Variants in ZDHHC5 observed in about 807,000 individuals in gnomAD.
ZDHHC5 encodes the protein zDHHC palmitoyltransferase 5.
A neutral mutation model predicts 70.0 loss-of-function variants in ZDHHC5; 22 were observed. The observed-to-expected ratio is 0.31, with a 90% CI of 0.22 to 0.45. The LOEUF (loss-of-function observed/expected upper bound fraction) is 0.45, where lower values mean the gene tolerates loss of function less well. Ranked by LOEUF, ZDHHC5 falls within the 20% of genes least tolerant of loss-of-function variation. ZDHHC5 has a pLI of 1.00. For missense variants in ZDHHC5, 746 were observed against 926.9 expected, an observed-to-expected ratio of 0.80 and a Z score of 2.53; for synonymous variants, 313 against 347.8, an observed-to-expected ratio of 0.90 and a Z score of 1.11.
In ZDHHC5 at chr11:57,698,695, C is replaced by G. The variant is rs747893595; in HGVS notation, c.1259C>G (p.Pro420Arg). Residue 420 changes from proline to arginine, a missense_variant, in exon 11 of 12, where the codon CCA (proline) becomes CGA (arginine). Pro to Arg is a moderately radical substitution (Grantham distance 103, BLOSUM62 -2). This residue lies in a region of ZDHHC5 where 179 missense variants were observed against 178.4 expected (regional missense o/e 1.00). Transcript: ENST00000287169. ...PTFGKSFHFD[P>R]LSSGSRSSSL... ...TTTGGCAAAAGTTTTCACTTCGATC[C>G]ACTATCCAGTGGCTCACGCTCCTCC... The G allele has an allele frequency of 1.9e-6, 3 of 1,614,206 alleles. No individual in the cohort carries two copies. Among genetic ancestry groups the G allele is most frequent in the Non-Finnish European group, 2.5e-6 (3 of 1,180,052 alleles).
chr11:57,688,666 G>A lies in ZDHHC5; in HGVS notation c.384+1G>A. On this transcript the variant is annotated splice_donor_variant, in intron 4 of 11. Transcript: ENST00000287169. LOFTEE classifies it high-confidence loss of function. ...CAGTGTCTGTGACAACTGTGTGGAG[G>A]TAAGCACCCTGGGTGGGGTAAGACT... The A allele has an allele frequency of 6.3e-7, 1 of 1,593,862 alleles. No homozygotes were observed. The highest frequency in any genetic ancestry group is 8.6e-7 in the Non-Finnish European group (1 of 1,169,396).
chr11:57,672,540 C>T lies in ZDHHC5; in HGVS notation c.-551C>T, dbSNP rs888208673. The T allele has an allele frequency of 6.6e-6, 2 of 304,210 alleles. No homozygotes were observed. The highest frequency in any genetic ancestry group is 1.6e-4 in the South Asian group (1 of 6,214). The allele number at this position is 304,210 out of a possible 1,614,324, so 18.8% of individuals were successfully genotyped here. On this transcript the variant is annotated 5_prime_UTR_variant, in exon 2 of 12. Transcript: ENST00000287169. Reference sequence around the variant, plus strand: ...TTAAAGTTGGAAGGGGCCTCAGGTTCCTTCTTGGATTGAAATAGAAATAGA... The same window carrying T: ...TTAAAGTTGGAAGGGGCCTCAGGTTTCTTCTTGGATTGAAATAGAAATAGA...
At chr11:57,679,524 C>T (rs1325648324) in intron 2 of ZDHHC5, among the ~76,000 whole-genome samples, 1 of 152,124 alleles carries the variant, frequency 6.6e-6, no homozygotes, top group African/African-American at 2.4e-5. Flanking sequence ...CAGAAGAACC[C>T]GTTCTACCTG....
At chr11:57,683,973 T>C (rs536070709) in intron 3 of ZDHHC5, among the ~76,000 whole-genome samples, 1 of 19,072 alleles carries the variant, frequency 5.2e-5, no homozygotes, top group Non-Finnish European at 7.9e-5. Context: ...TAATAATTAA[T>C]TTTTTTTTTT....
chr11:57,682,082 T>C (rs1028460584), intron 2 of ZDHHC5, among the ~76,000 whole-genome samples: 2 of 152,172 alleles, frequency 1.3e-5, no homozygotes, highest in Admixed American at 1.3e-4. Flanking sequence ...TCATAGTCAG[T>C]ACCTGGTTCT....
At chr11:57,676,590 G>A (rs1241036299) in intron 2 of ZDHHC5, among the ~76,000 whole-genome samples, 5 of 151,838 alleles carry the variant, frequency 3.3e-5, no homozygotes, top group East Asian at 3.9e-4. Context: ...CAGTGAGAAC[G>A]TTGACCTACA....
At chr11:57,696,499 TGA>T (rs1184494393) in intron 9 of ZDHHC5, among the ~76,000 whole-genome samples, 1 of 151,140 alleles carries the variant, frequency 6.6e-6, no homozygotes, top group Non-Finnish European at 1.5e-5. Flanking sequence ...GAGGATTGCT[TGA>T]GCCCAGGAGT....
chr11:57,681,426 TTAGAG>T (rs1483214435), intron 2 of ZDHHC5: 2 of 152,208 alleles, frequency 1.3e-5, no homozygotes, highest in African/African-American at 2.4e-5. Flanking sequence ...ACAAAGTAGA[TTAGAG>T]TATTTATCCA....
Position 57,699,307 on chromosome 11 carries a change from C to G in ZDHHC5, c.1871C>G (p.Pro624Arg). The change falls in exon 11 of 12, where the codon CCA (proline) becomes CGA (arginine). Residue 624 changes from proline (P) to arginine (R), a missense_variant. Coordinates refer to ENST00000287169, the MANE Select transcript of ZDHHC5 (RefSeq NM_015457.3). ...LRGRGVGSPEPGPTAPYLGRS... is the reference protein window; with the variant it reads ...LRGRGVGSPERGPTAPYLGRS... ...GGCCGGGGAGTAGGGTCCCCTGAAC[C>G]AGGCCCAACAGCCCCATACCTGGGC... 1.2e-6 allele frequency: 2 copies of G among 1,614,194 alleles called. No individual in the cohort carries two copies. Among genetic ancestry groups the G allele is most frequent in the East Asian group, 2.2e-5 (1 of 44,882 alleles).
At position 57,682,414 on chromosome 11, in the gene ZDHHC5, C is replaced by A; in HGVS notation, c.105-8C>A. 6.2e-7 allele frequency: 1 copy of A among 1,600,246 alleles called. No homozygotes were observed. Among genetic ancestry groups the A allele is most frequent in the South Asian group, 1.1e-5 (1 of 88,644 alleles). On this transcript the variant is annotated splice_polypyrimidine_tract_variant and splice_region_variant and intron_variant, in intron 2 of 11. Coordinates refer to ENST00000287169, the MANE Select transcript of ZDHHC5 (RefSeq NM_015457.3). ...GGCAACCCCTCATTTTCTTTATTGT[C>A]TGTGCAGGTGTCCAGGACTAAGCCT...
At chr11:57,694,553 G>T (rs1317927318) in intron 8 of ZDHHC5, among the ~76,000 whole-genome samples, 1 of 151,920 alleles carries the variant, frequency 6.6e-6, no homozygotes, top group Non-Finnish European at 1.5e-5. Context: ...GTAGAGGCAG[G>T]GTTTTCCTAT....
chr11:57,695,625 C>T (rs558787299), intron 8 of ZDHHC5, among the ~76,000 whole-genome samples: 1 of 151,498 alleles, frequency 6.6e-6, no homozygotes, highest in African/African-American at 2.4e-5. Context: ...CCCATCTCTA[C>T]AAAATAAAGT....
rs992424381 is a variant in ZDHHC5, at chr11:57,696,055, C to T, written c.1009+12C>T. 1 of 1,603,916 alleles carries T rather than the reference C, an allele frequency of 6.2e-7. No homozygotes were observed. The highest frequency in any genetic ancestry group is 1.3e-5 in the African/African-American group (1 of 74,344). On this transcript the variant is annotated intron_variant, in intron 9 of 11. Coordinates refer to ENST00000287169, the MANE Select transcript of ZDHHC5 (RefSeq NM_015457.3). ...GGCTACTAATGAGGGTAAGGGCTGC[C>T]TTGATTTGCAAGATACTAGAACTAG...
Position 57,680,112 on chromosome 11 carries a change from T to C in ZDHHC5, c.105-2310T>C, listed in dbSNP as rs190270755. Among the ~76,000 whole-genome samples the C allele has an allele frequency of 4.0e-3, 614 of 152,264 alleles. 8 individuals are homozygous for C. Among genetic ancestry groups the C allele is most frequent in the African/African-American group, 0.014 (578 of 41,558 alleles). ...GCCTAAAAATGAAACTGGCTGGGCA[T>C]GGTGGCTCATGTCTGTAATCCCAGC... On this transcript the variant is annotated intron_variant, in intron 2 of 11. Transcript: ENST00000287169.
rs1301592533 is a variant in ZDHHC5 at position 57,690,198 on chromosome 11, T to C, written c.552T>C (p.Ala184=). The stretch of plus-strand genomic sequence containing the variant: ...AGGAACTCTCAGGGGTCCGCACGGC[T>C]GTCACGTATCCTTCAAGGCCTTTTA... ...HIEELSGVRT[A]VTMAVMCVAG... The change falls in exon 5 of 12, where the codon GCT becomes GCC. Residue 184 remains alanine, a synonymous_variant. Coordinates refer to ENST00000287169, the MANE Select transcript of ZDHHC5 (RefSeq NM_015457.3). The C allele has an allele frequency of 6.2e-7, 1 of 1,614,094 alleles. No individual in the cohort carries two copies. Among genetic ancestry groups the C allele is most frequent in the Admixed American group, 1.7e-5 (1 of 59,992 alleles).
At chr11:57,686,047 A>G (rs1039436318) in intron 3 of ZDHHC5, among the ~76,000 whole-genome samples, 14 of 152,114 alleles carry the variant, frequency 9.2e-5, no homozygotes, top group African/African-American at 2.7e-4. Context: ...AAACAAATAC[A>G]TTGTGTAAGA....
chr11:57,696,150 G>T (rs1242451497), intron 9 of ZDHHC5, 107 bp downstream of exon 9: 12 of 1,464,702 alleles, frequency 8.2e-6, no homozygotes, highest in Non-Finnish European at 1.1e-5. Flanking sequence ...TACTCGTGTT[G>T]TGACTTTAAA....
chr11:57,689,480 C>T (rs984134102), intron 4 of ZDHHC5, among the ~76,000 whole-genome samples: 1 of 151,956 alleles, frequency 6.6e-6, no homozygotes, highest in Admixed American at 6.6e-5. Context: ...CGGGTTCAAC[C>T]GATTCTCCTG....
intron 2 of ZDHHC5, among the ~76,000 whole-genome samples, chr11:57,675,706 C>G (rs1946063476): frequency 1.3e-5 from 2 of 152,212 alleles, no homozygotes; most frequent in South Asian, 4.1e-4. Flanking sequence ...ACTCTAGCAC[C>G]TAGCTCGGGT....
Sources: gnomAD v4.1 joint callset for allele counts (sites outside exome capture counted in the v4.1 genomes callset) on GRCh38, gnomAD v4.1.1 for gene constraint, gnomAD v4.1.1 regional missense constraint, MANE v1.5 for transcripts, NCBI Gene and HGNC (gene_info 2026-07-23, HGNC 2026-07-21) for gene names.